Variants in FMN1 observed in about 807,000 individuals in gnomAD.
FMN1 encodes the protein formin 1, also known as formin-1.
Under a neutral mutation model 132.4 loss-of-function variants are expected in FMN1, and 110 were observed. The ratio of observed to expected loss-of-function variants is 0.83; its 90% CI spans 0.71 to 0.97. The LOEUF is 0.97. Among genes scored for constraint, FMN1 ranks in the 50% least tolerant of loss-of-function variants. The pLI, the probability that FMN1 is intolerant of heterozygous loss-of-function variation, is 0.00. For synonymous variants in FMN1, 722 were observed against 651.7 expected (o/e 1.11, Z -1.64); for missense variants, 1,792 against 1,705.3 (o/e 1.05, Z -0.90).
intron 7 of FMN1, among the ~76,000 whole-genome samples, chr15:33,006,543 A>G (rs1366320656): frequency 6.6e-6 from 1 of 152,220 alleles, no homozygotes; most frequent in Non-Finnish European, 1.5e-5. Context: ...CTGGGTATAT[A>G]TTTAAAGGAA....
intron 6 of FMN1, among the ~76,000 whole-genome samples, chr15:33,018,383 A>G (rs2035197533): frequency 6.6e-6 from 1 of 152,126 alleles, no homozygotes; most frequent in Non-Finnish European, 1.5e-5. Flanking sequence ...TGGGACTTTC[A>G]GTTCCACCTC....
chr15:33,056,438 C>A (rs1327269763), intron 6 of FMN1, among the ~76,000 whole-genome samples: 1 of 152,112 alleles, frequency 6.6e-6, no homozygotes, highest in Non-Finnish European at 1.5e-5. Context: ...TACAGAAAAC[C>A]AAAGTGAGGT....
intron 6 of FMN1, among the ~76,000 whole-genome samples, chr15:33,041,844 T>C (rs185406100): frequency 9.9e-5 from 15 of 152,224 alleles, no homozygotes; most frequent in East Asian, 3.9e-4. Flanking sequence ...TGGAGAACCA[T>C]TGTACAACAA....
chr15:32,939,539 C>G (rs760489332), intron 9 of FMN1, among the ~76,000 whole-genome samples: 1 of 151,910 alleles, frequency 6.6e-6, no homozygotes, highest in Non-Finnish European at 1.5e-5. Flanking sequence ...ATAACCAGAA[C>G]GTAATTTATG....
intron 17 of FMN1, among the ~76,000 whole-genome samples, chr15:32,815,468 T>G (rs1323510599): frequency 1.3e-5 from 2 of 152,182 alleles, no homozygotes; most frequent in Non-Finnish European, 2.9e-5. Flanking sequence ...TACTTCATTC[T>G]TCAGACTTTA....
intron 16 of FMN1, among the ~76,000 whole-genome samples, chr15:32,877,819 C>T (rs2059673247): frequency 6.6e-6 from 1 of 152,158 alleles, no homozygotes; most frequent in Non-Finnish European, 1.5e-5. Context: ...TCACTAATAG[C>T]AGAGTCAGCG....
At chr15:32,866,767 GTCC>G (rs752515776) in intron 16 of FMN1, among the ~76,000 whole-genome samples, 34 of 152,272 alleles carry the variant, frequency 2.2e-4, no homozygotes, top group Middle Eastern at 3.4e-3. Context: ...TGTGGGCAGT[GTCC>G]TCATTTTGTA....
chr15:33,026,096 TACACACACACACACACACACAC>T (rs58334971), intron 6 of FMN1, among the ~76,000 whole-genome samples: 1 of 144,722 alleles, frequency 6.9e-6, no homozygotes, highest in Non-Finnish European at 1.5e-5. Flanking sequence ...TGCTTAGGCA[TACACACACACACACACACACAC>T]ACACACACAC....
chr15:32,916,979 C>A (rs1567387108), intron 10 of FMN1, among the ~76,000 whole-genome samples: 1 of 152,116 alleles, frequency 6.6e-6, no homozygotes, highest in Non-Finnish European at 1.5e-5. Context: ...ACTCCGTGAC[C>A]TCTACAAAGG....
chr15:32,934,393 A>G (rs1353420340), intron 9 of FMN1, among the ~76,000 whole-genome samples: 1 of 152,098 alleles, frequency 6.6e-6, no homozygotes, highest in Non-Finnish European at 1.5e-5. Flanking sequence ...TCATTATAGT[A>G]TTCTGTATTT....
chr15:32,842,596 A>T (rs1378237268), intron 17 of FMN1, among the ~76,000 whole-genome samples: 1 of 144,210 alleles, frequency 6.9e-6, no homozygotes, highest in African/African-American at 2.5e-5. Flanking sequence ...TATTCATAAC[A>T]TGCAGCACAG....
At chr15:33,163,126 C>CA (rs1464597730) in intron 3 of FMN1, among the ~76,000 whole-genome samples, 2 of 150,892 alleles carry the variant, frequency 1.3e-5, no homozygotes, top group Admixed American at 6.6e-5. Context: ...GACACTGCTT[C>CA]AAAAAAAAGA....
At chr15:33,151,479 T>C (rs1964436833) in intron 4 of FMN1, 1 of 1,229,818 alleles carries the variant, frequency 8.1e-7, no homozygotes, top group Non-Finnish European at 1.1e-6. Context: ...TCACGGTCAG[T>C]CTCCAACAGA....
chr15:33,082,274 T>A (rs2038511932), intron 5 of FMN1, among the ~76,000 whole-genome samples: 1 of 152,086 alleles, frequency 6.6e-6, no homozygotes. Context: ...GGTTTCATCA[T>A]GTTGGTCAGG....
chr15:33,106,620 T>G (rs1253886277), intron 4 of FMN1, among the ~76,000 whole-genome samples: 1 of 152,120 alleles, frequency 6.6e-6, no homozygotes, highest in African/African-American at 2.4e-5. Flanking sequence ...TCAGTTGCCT[T>G]GCTGGCTCCT....
chr15:33,180,635 C>A (rs13380367), intron 2 of FMN1, among the ~76,000 whole-genome samples: 21,474 of 151,814 alleles, frequency 0.14, 2,922 homozygotes, highest in African/African-American at 0.35. Context: ...GTATGCTCAT[C>A]TACTTAGTGT....
chr15:33,139,325 G>A (rs529136214), intron 4 of FMN1, among the ~76,000 whole-genome samples: 3 of 152,312 alleles, frequency 2.0e-5, no homozygotes, highest in South Asian at 4.1e-4. Flanking sequence ...GGCCGGGCAC[G>A]GTGGCGCACG....
At chr15:33,160,790 C>T (rs1242566379) in intron 3 of FMN1, among the ~76,000 whole-genome samples, 7 of 152,166 alleles carry the variant, frequency 4.6e-5, no homozygotes, top group Non-Finnish European at 1.0e-4. Context: ...AGGGAGTCTT[C>T]GTGTCTTCTA....
Position 33,154,497 on chromosome 15 carries a change from G to T in FMN1, c.418C>A (p.Gln140Lys). 1 of 1,536,080 alleles carries T rather than the reference G, an allele frequency of 6.5e-7. No individual in the cohort carries two copies. The highest frequency in any genetic ancestry group is 8.7e-7 in the Non-Finnish European group (1 of 1,146,914). Residue 140 changes from glutamine to lysine, a missense_variant, in exon 4 of 21, where the codon CAG becomes AAG. By Grantham distance (53) the Gln-to-Lys change is moderately conservative. Transcript: ENST00000616417. ...AGAGGGCCCACGGGGAGCTCTCCCT[G>T]CCAGTCACCAGCACTCTGGAAACAG... Reference protein sequence around the residue: ...DDCFQSAGDWQGELPVGPLNK... With the variant: ...DDCFQSAGDWKGELPVGPLNK...
Sources: gnomAD v4.1 joint callset for allele counts (sites outside exome capture counted in the v4.1 genomes callset) on GRCh38, gnomAD v4.1.1 for gene constraint, MANE v1.5 for transcripts, NCBI Gene and HGNC (gene_info 2026-07-23, HGNC 2026-07-21) for gene names.